MBNL2: variants seen among roughly 807,000 people sequenced by gnomAD.
The protein encoded by MBNL2 is muscleblind-like protein 2.
MBNL2 carries 17 observed loss-of-function variants against 41.9 expected under a neutral mutation model. The ratio of observed to expected loss-of-function variants is 0.41; its 90% confidence interval spans 0.28 to 0.61. The LOEUF is 0.61. Ranked by LOEUF, MBNL2 falls within the 20% of genes least tolerant of loss-of-function variation. The pLI is 0.35. For missense variants in MBNL2, 336 were observed against 505.6 expected, an observed-to-expected ratio of 0.66 and a Z score of 3.22; for synonymous variants, 195 against 182.9, an observed-to-expected ratio of 1.07 and a Z score of -0.53.
chr13:97,197,724 A>T, the MBNL2 span, among the ~76,000 whole-genome samples: 16 of 152,176 alleles, frequency 1.1e-4, no homozygotes, highest in African/African-American at 3.9e-4. Flanking sequence ...TATTTTCAGT[A>T]ATGTAACGTT....
the MBNL2 span, among the ~76,000 whole-genome samples, chr13:97,191,020 C>T: frequency 6.6e-6 from 1 of 151,668 alleles, no homozygotes; most frequent in Non-Finnish European, 1.5e-5. Context: ...AAAAAAAAAT[C>T]ATTTACTTGG....
chr13:97,281,509 G>A (rs569547699), intron 2 of MBNL2, among the ~76,000 whole-genome samples: 1 of 152,282 alleles, frequency 6.6e-6, no homozygotes, highest in Non-Finnish European at 1.5e-5. Context: ...TTTCAAAGAT[G>A]TCAAGTGTAA....
At chr13:97,200,215 G>C in the MBNL2 span, among the ~76,000 whole-genome samples, 1 of 152,344 alleles carries the variant, frequency 6.6e-6, no homozygotes, top group African/African-American at 2.4e-5. Flanking sequence ...CCTTGGAGAG[G>C]TGTAAGGAGC....
chr13:97,376,244 C>A (rs1392554578), intron 8 of MBNL2, among the ~76,000 whole-genome samples: 1 of 152,172 alleles, frequency 6.6e-6, no homozygotes, highest in East Asian at 1.9e-4. Context: ...CTTGCCTTTG[C>A]TCACCCAGAG....
At chr13:97,206,079 G>A in the MBNL2 span, among the ~76,000 whole-genome samples, 1 of 152,084 alleles carries the variant, frequency 6.6e-6, no homozygotes, top group Non-Finnish European at 1.5e-5. Context: ...AAAAGCCAAT[G>A]AGTAGTCAGA....
chr13:97,391,183 A>G (rs182756600), intron 8 of MBNL2, 139 bp from the exon 9 acceptor site: 1 of 600,634 alleles, frequency 1.7e-6, no homozygotes, highest in African/African-American at 1.9e-5. Context: ...TATTGTGCAA[A>G]TTTATAATTG....
the MBNL2 span, among the ~76,000 whole-genome samples, chr13:97,145,656 G>A: frequency 2.6e-5 from 4 of 152,148 alleles, no homozygotes; most frequent in Middle Eastern, 3.2e-3. Flanking sequence ...TTATTTTTCC[G>A]TTGAAAAAAG....
chr13:97,267,185 G>T (rs573001312), intron 1 of MBNL2, among the ~76,000 whole-genome samples: 50 of 152,320 alleles, frequency 3.3e-4, no homozygotes, highest in Non-Finnish European at 6.8e-4. Context: ...ATGGAGGGAG[G>T]TCGCCTCCTT....
rs527683113 is a variant in MBNL2, at chr13:97,223,057, A to G, written c.-605+526A>G. ...TAATTGAGTTTCAAAAGCACATTTTAAACAACCTAGCAAGAGGTAGCTTTC... is the reference window on the plus strand; with the variant it reads ...TAATTGAGTTTCAAAAGCACATTTTGAACAACCTAGCAAGAGGTAGCTTTC... On this transcript the variant is annotated intron_variant, in intron 1 of 8. Transcript: ENST00000679496. 2.6e-5 allele frequency among the ~76,000 whole-genome samples: 4 copies of G among 152,330 alleles called. No homozygotes were observed. In the South Asian group the frequency reaches 8.3e-4, roughly 32 times the overall value.
At chr13:97,227,709 T>C (rs1036035434) in intron 1 of MBNL2, among the ~76,000 whole-genome samples, 3 of 152,168 alleles carry the variant, frequency 2.0e-5, no homozygotes, top group Non-Finnish European at 4.4e-5. Flanking sequence ...CAGGAAAAAC[T>C]TAGAACTGTC....
the MBNL2 span, among the ~76,000 whole-genome samples, chr13:97,153,636 T>A: frequency 6.6e-6 from 1 of 152,206 alleles, no homozygotes; most frequent in Non-Finnish European, 1.5e-5. Context: ...AAACCTTTTA[T>A]AAGGCTACAA....
At chr13:97,386,681 T>C (rs1403053081) in intron 8 of MBNL2, among the ~76,000 whole-genome samples, 2 of 152,246 alleles carry the variant, frequency 1.3e-5, no homozygotes, top group African/African-American at 4.8e-5. Context: ...TTTGATGCTT[T>C]TGAAGCCATT....
At chr13:97,375,408 G>A (rs530010517) in intron 8 of MBNL2, among the ~76,000 whole-genome samples, 20 of 152,324 alleles carry the variant, frequency 1.3e-4, no homozygotes, top group Non-Finnish European at 1.8e-4. Flanking sequence ...GAAAGTAAGC[G>A]CCATGGCATG....
intron 1 of MBNL2, among the ~76,000 whole-genome samples, chr13:97,238,998 C>T (rs756584437): frequency 5.3e-5 from 8 of 152,210 alleles, no homozygotes; most frequent in Non-Finnish European, 1.0e-4. Context: ...CTTCCAGAGG[C>T]CTTTGCCTTG....
At chr13:97,145,109 C>T in the MBNL2 span, among the ~76,000 whole-genome samples, 1 of 152,202 alleles carries the variant, frequency 6.6e-6, no homozygotes, top group Non-Finnish European at 1.5e-5. Flanking sequence ...TCCCTACATG[C>T]TCTCTCTCCA....
At chr13:97,373,243 A>T (rs1330554622) in intron 8 of MBNL2, among the ~76,000 whole-genome samples, 1 of 152,190 alleles carries the variant, frequency 6.6e-6, no homozygotes, top group Non-Finnish European at 1.5e-5. Context: ...CAGGGCCGAG[A>T]CATCTCTCTC....
In MBNL2 at chr13:97,361,246, T is replaced by C. The variant is rs546944831; in HGVS notation, c.1012+3611T>C. ...TACGAAGGATATGGAGAAACAAGACTTTCTGAAGTAGGAGAAATTTGCCTA... is the reference window on the plus strand; with the variant it reads ...TACGAAGGATATGGAGAAACAAGACCTTCTGAAGTAGGAGAAATTTGCCTA... On this transcript the variant is annotated intron_variant, in intron 7 of 8. Transcript: ENST00000679496. 3.3e-5 allele frequency among the ~76,000 whole-genome samples: 5 copies of C among 152,336 alleles called. No homozygotes were observed. The South Asian group carries it at 1.0e-3, about 32-fold the overall frequency.
chr13:97,361,657 A>C (rs2063399331), intron 7 of MBNL2, among the ~76,000 whole-genome samples: 1 of 151,994 alleles, frequency 6.6e-6, no homozygotes, highest in South Asian at 2.1e-4. Context: ...GATTATTTGC[A>C]ATCCCAATGA....
chr13:97,297,591 A>G (rs1187406794), intron 2 of MBNL2, among the ~76,000 whole-genome samples: 1 of 152,070 alleles, frequency 6.6e-6, no homozygotes. Context: ...CTGTCCCTTC[A>G]TGTCTCCTGC....
Sources: allele counts gnomAD v4.1 joint callset (sites outside exome capture counted in the v4.1 genomes callset), GRCh38; gene constraint gnomAD v4.1.1; transcripts MANE v1.5; gene names NCBI Gene and HGNC (gene_info 2026-07-23, HGNC 2026-07-21).